Variants in WWC2 observed in about 807,000 individuals in gnomAD.
WWC2 encodes protein WWC2.
In WWC2, 101 loss-of-function variants were observed where a neutral mutation model predicts 138.5. The ratio of observed to expected loss-of-function variants is 0.73; its 90% confidence interval spans 0.62 to 0.86. The LOEUF (loss-of-function observed/expected upper bound fraction) is 0.86, where lower values mean the gene tolerates loss of function less well. WWC2 is among the 40% of genes least tolerant of loss of function. The pLI is 0.00. For synonymous variants in WWC2, 558 were observed against 538.4 expected, an observed-to-expected ratio of 1.04 and a Z score of -0.50; for missense variants, 1,420 against 1,419.4, an observed-to-expected ratio of 1.00 and a Z score of -0.01.
intron 1 of WWC2, among the ~76,000 whole-genome samples, chr4:183,121,159 C>G (rs78062278): frequency 6.6e-6 from 1 of 151,612 alleles, no homozygotes; most frequent in Non-Finnish European, 1.5e-5. Context: ...TGATGGTGAT[C>G]CTACCACTGC....
intron 21 of WWC2, among the ~76,000 whole-genome samples, chr4:183,305,909 AC>A (rs1211852739): frequency 6.6e-6 from 1 of 152,210 alleles, no homozygotes; most frequent in Non-Finnish European, 1.5e-5. Flanking sequence ...AATGATAGCA[AC>A]AGTGTATTCA....
Position 183,261,029 on chromosome 4 carries a change from T to C in WWC2, c.1406T>C (p.Leu469Pro), listed in dbSNP as rs749414248. The change falls in exon 11 of 23, where the codon CTC becomes CCC. Residue 469 changes from leucine to proline, a missense_variant. By Grantham distance (98) the Leu-to-Pro change is moderately conservative. Transcript: ENST00000403733. ...CTCAACTCCCTCAGTTCCACCGAAC[T>C]CTATTACAGCAGTCAAAGTGATCAG... ...GSLNSLSSTE[L>P]YYSSQSDQID... 4 of 1,614,000 alleles carry C rather than the reference T, an allele frequency of 2.5e-6. No individual in the cohort carries two copies. The Admixed American group carries it at 6.7e-5, about 27-fold the overall frequency.
chr4:183,216,247 C>G (rs1461127828), intron 4 of WWC2, among the ~76,000 whole-genome samples: 1 of 152,120 alleles, frequency 6.6e-6, no homozygotes, highest in Admixed American at 6.5e-5. Context: ...ATTTCTAGAG[C>G]TGAGGGTGGT....
chr4:183,185,945 ATTTTTT>A (rs546555995), intron 1 of WWC2, among the ~76,000 whole-genome samples: 9 of 131,230 alleles, frequency 6.9e-5, no homozygotes, highest in Non-Finnish European at 1.5e-4. Context: ...TTTAACATAG[ATTTTTT>A]TTTTTTTTTT....
chr4:183,159,335 G>A (rs778532006), intron 1 of WWC2, among the ~76,000 whole-genome samples: 3 of 152,106 alleles, frequency 2.0e-5, no homozygotes, highest in Non-Finnish European at 4.4e-5. Flanking sequence ...TGGAGAAGGT[G>A]TTGGGAGGTT....
chr4:183,202,135 T>C (rs1735317572), intron 2 of WWC2, among the ~76,000 whole-genome samples: 2 of 152,106 alleles, frequency 1.3e-5, no homozygotes, highest in Admixed American at 6.6e-5. Context: ...CTAGGTTGAA[T>C]AATTTCGGCA....
chr4:183,140,624 C>G (rs1733273322), intron 1 of WWC2, among the ~76,000 whole-genome samples: 1 of 151,986 alleles, frequency 6.6e-6, no homozygotes, highest in Non-Finnish European at 1.5e-5. Context: ...TTGGGTTTAG[C>G]AAGTATTTTT....
intron 1 of WWC2, among the ~76,000 whole-genome samples, chr4:183,163,380 G>C (rs564749237): frequency 1.9e-4 from 29 of 152,208 alleles, no homozygotes; most frequent in Admixed American, 5.9e-4. Flanking sequence ...ATCACCAGAA[G>C]AGAAGCCCAG....
At chr4:183,134,604 A>G (rs564739809) in intron 1 of WWC2, among the ~76,000 whole-genome samples, 38 of 152,092 alleles carry the variant, frequency 2.5e-4, no homozygotes, top group South Asian at 1.2e-3. Context: ...CAGGTGTTTT[A>G]TCTTGTTGCC....
intron 6 of WWC2, 114 bp from the exon 7 acceptor site, chr4:183,248,595 CTAAAA>C (rs1736869814): frequency 9.2e-7 from 1 of 1,083,888 alleles, no homozygotes; most frequent in Admixed American, 2.9e-5. Context: ...TAAGTACCTA[CTAAAA>C]TAAAGTTGTT....
chr4:183,118,338 TG>T (rs1294408066), intron 1 of WWC2, among the ~76,000 whole-genome samples: 1 of 152,234 alleles, frequency 6.6e-6, no homozygotes, highest in African/African-American at 2.4e-5. Flanking sequence ...CACTAAACTA[TG>T]GTTAAAGAGG....
rs764515488 is a variant in WWC2, at chr4:183,208,985, C to G, written c.482C>G (p.Pro161Arg). The change falls in exon 4 of 23, where the codon CCC (proline) becomes CGC (arginine). Residue 161 changes from proline (P) to arginine (R), a missense_variant. By Grantham distance (103) the Pro-to-Arg change is moderately radical (BLOSUM62 -2). Coordinates refer to ENST00000403733, the MANE Select transcript of WWC2 (RefSeq NM_024949.6). Reference protein sequence around the residue: ...SGSSSSTKYDPDILKAEISTT... With the variant: ...SGSSSSTKYDRDILKAEISTT... Reference sequence around the variant, plus strand: ...TCTTCATCCAGTACTAAATATGATCCCGATATTTTAAAAGCTGAGATCTCC... The same window carrying G: ...TCTTCATCCAGTACTAAATATGATCGCGATATTTTAAAAGCTGAGATCTCC... 53 of 1,562,026 alleles carry G rather than the reference C, an allele frequency of 3.4e-5. No homozygotes were observed. The Admixed American group carries it at 9.3e-4, about 27-fold the overall frequency.
intron 4 of WWC2, among the ~76,000 whole-genome samples, chr4:183,223,986 C>A (rs978494102): frequency 4.6e-5 from 7 of 152,196 alleles, no homozygotes; most frequent in Admixed American, 3.9e-4. Flanking sequence ...CCCACCTCGG[C>A]CTCCCAAAGT....
intron 1 of WWC2, among the ~76,000 whole-genome samples, chr4:183,186,191 G>A (rs980067336): frequency 6.6e-5 from 10 of 152,034 alleles, no homozygotes; most frequent in African/African-American, 2.2e-4. Flanking sequence ...TGATCCTCCC[G>A]CCTCAGCCTC....
At chr4:183,249,358 A>G (rs1226014445) in intron 7 of WWC2, among the ~76,000 whole-genome samples, 1 of 152,132 alleles carries the variant, frequency 6.6e-6, no homozygotes, top group Non-Finnish European at 1.5e-5. Flanking sequence ...TACCTTCTCC[A>G]TTTTGGGATG....
rs188531017 is a variant in WWC2, at chr4:183,312,851, G to A, written c.3512+383G>A. Reference sequence around the variant, plus strand: ...ACACCTTGTCAGGCTCTGAGATGTGGAGGCTAAGAACATGTGCATTCGTTC... The same window carrying A: ...ACACCTTGTCAGGCTCTGAGATGTGAAGGCTAAGAACATGTGCATTCGTTC... On this transcript the variant is annotated intron_variant, in intron 22 of 22. Transcript: ENST00000403733. Among the ~76,000 whole-genome samples, 49 of 152,320 alleles carry A rather than the reference G, an allele frequency of 3.2e-4. No homozygotes were observed. The East Asian group carries it at 8.3e-3, about 26-fold the overall frequency.
At chr4:183,306,114 A>G (rs1169162837) in intron 21 of WWC2, among the ~76,000 whole-genome samples, 22 of 152,252 alleles carry the variant, frequency 1.4e-4, no homozygotes, top group Admixed American at 1.4e-3. Flanking sequence ...AGAAAAAATA[A>G]GAGAGAAATA....
intron 1 of WWC2, among the ~76,000 whole-genome samples, chr4:183,103,208 G>A (rs1306997442): frequency 6.6e-6 from 1 of 151,686 alleles, no homozygotes; most frequent in East Asian, 1.9e-4. Flanking sequence ...ATCTTGGGGG[G>A]TGGGGAGGGT....
At chr4:183,303,505 G>A (rs776507002) in intron 21 of WWC2, among the ~76,000 whole-genome samples, 32 of 152,128 alleles carry the variant, frequency 2.1e-4, no homozygotes, top group Non-Finnish European at 4.3e-4. Flanking sequence ...CAGAGTCATC[G>A]TGGCCCTTTT....
Sources: gnomAD v4.1 joint callset for allele counts (sites outside exome capture counted in the v4.1 genomes callset) on GRCh38, gnomAD v4.1.1 for gene constraint, MANE v1.5 for transcripts, NCBI Gene and HGNC (gene_info 2026-07-23, HGNC 2026-07-21) for gene names.